The following BRDT variants were observed in gnomAD, a reference collection of about 807,000 sequenced individuals.
BRDT encodes bromodomain testis associated.
BRDT carries 77 observed loss-of-function variants against 113.9 expected under a neutral mutation model. The observed-to-expected ratio is 0.68, with a 90% CI of 0.56 to 0.82. The LOEUF is 0.82. BRDT is among the 40% of genes least tolerant of loss of function. The pLI is 0.00. For missense variants in BRDT, 1,027 were observed against 1,105.4 expected (o/e 0.93, Z 1.01); for synonymous variants, 358 against 366.5 (o/e 0.98, Z 0.26).
intron 12 of BRDT, among the ~76,000 whole-genome samples, chr1:91,984,294 T>C (rs1178700001): frequency 6.6e-6 from 1 of 152,124 alleles, no homozygotes; most frequent in East Asian, 1.9e-4. Context: ...GCTCTTAATT[T>C]CTAGCATGTA....
chr1:91,963,753 A>T (rs1042209438), intron 2 of BRDT, among the ~76,000 whole-genome samples: 61 of 138,606 alleles, frequency 4.4e-4, no homozygotes, highest in Non-Finnish European at 7.1e-4. Flanking sequence ...GGATAATTTT[A>T]TTCTGAAATT....
intron 12 of BRDT, 133 bp from the exon 13 acceptor site, chr1:91,991,051 C>A: frequency 2.2e-6 from 1 of 445,682 alleles, no homozygotes; most frequent in Non-Finnish European, 4.1e-6. Flanking sequence ...CCTGCCTCGG[C>A]CTCCCAAAGT....
At position 91,981,112 on chromosome 1, in the gene BRDT, T is replaced by A. The variant is rs1469375960; in HGVS notation, c.1684T>A (p.Ser562Thr). 1.2e-6 allele frequency: 2 copies of A among 1,613,972 alleles called. No individual in the cohort carries two copies. The highest frequency in any genetic ancestry group is 1.1e-5 in the South Asian group (1 of 91,046). Reference sequence around the variant, plus strand: ...GATAGACTTTGAAACACTGAAAGCATCAACACTAAGAGAATTAGAAAAATA... The same window carrying A: ...GATAGACTTTGAAACACTGAAAGCAACAACACTAAGAGAATTAGAAAAATA... ...IEIDFETLKA[S>T]TLRELEKYVS... is the part of the protein sequence containing the mutation. Residue 562 changes from serine to threonine, a missense_variant, in exon 10 of 19, where the codon TCA becomes ACA. By Grantham distance (58) the Ser-to-Thr change is moderately conservative (BLOSUM62 1). Transcript: ENST00000399546.
rs761056846 is a variant in BRDT at position 91,981,308 on chromosome 1, G to GA, written c.1797dup (p.Gln600ThrfsTer11). ...TGTCCAAAGAAGAACTTCACTCACA[G>GA]AAAAAACAGGAATTGGAAAAGCGGT... is the stretch of plus-strand genomic sequence containing the variant. On this transcript the variant is annotated frameshift_variant, in exon 11 of 19. Transcript: ENST00000399546. LOFTEE classifies it high-confidence loss of function. 10 of 1,614,024 alleles carry GA rather than the reference G, an allele frequency of 6.2e-6. No individual in the cohort carries two copies. Among genetic ancestry groups the GA allele is most frequent in the South Asian group, 4.4e-5 (4 of 91,078 alleles).
intron 18 of BRDT, among the ~76,000 whole-genome samples, chr1:92,010,083 A>G (rs1292376992): frequency 6.6e-6 from 1 of 151,512 alleles, no homozygotes; most frequent in Non-Finnish European, 1.5e-5. Flanking sequence ...GGTTTCAGCA[A>G]TTGTTTTCTT....
intron 1 of BRDT, among the ~76,000 whole-genome samples, chr1:91,961,242 C>T (rs964284445): frequency 2.0e-5 from 3 of 152,114 alleles, no homozygotes; most frequent in Admixed American, 1.3e-4. Context: ...AGCCAGCAGG[C>T]GGAAGTTGCA....
chr1:91,992,428 AAAC>A (rs1294639508), intron 14 of BRDT, 114 bp downstream of exon 14: 29 of 637,830 alleles, frequency 4.5e-5, no homozygotes, highest in African/African-American at 4.5e-4. Flanking sequence ...AAAAAAAAAA[AAAC>A]CACAGCAAGT....
chr1:92,007,222 A>G (rs1470718773), intron 18 of BRDT, among the ~76,000 whole-genome samples: 1 of 149,366 alleles, frequency 6.7e-6, no homozygotes, highest in Non-Finnish European at 1.5e-5. Flanking sequence ...CCGTTTTTGT[A>G]TTAAGCTTTT....
At chr1:92,008,484 A>G (rs879604078) in intron 18 of BRDT, among the ~76,000 whole-genome samples, 2 of 152,098 alleles carry the variant, frequency 1.3e-5, no homozygotes, top group Non-Finnish European at 2.9e-5. Flanking sequence ...CCCACCATCA[A>G]TGTCAATACA....
At chr1:91,960,449 A>G (rs1477269616) in intron 1 of BRDT, among the ~76,000 whole-genome samples, 1 of 152,228 alleles carries the variant, frequency 6.6e-6, no homozygotes, top group Non-Finnish European at 1.5e-5. Context: ...CACAAAAAAG[A>G]TAAATATGAT....
intron 12 of BRDT, among the ~76,000 whole-genome samples, chr1:91,989,293 T>C (rs1969967): frequency 0.7 from 106,299 of 152,032 alleles, 38,572 homozygotes; most frequent in Middle Eastern, 0.8. Context: ...ACATATATGA[T>C]CATATTAATG....
At chr1:91,992,972 C>T (rs1685939264) in intron 14 of BRDT, among the ~76,000 whole-genome samples, 1 of 152,144 alleles carries the variant, frequency 6.6e-6, no homozygotes, top group South Asian at 2.1e-4. Context: ...TGTAGAATGC[C>T]ACCTTTTTAA....
At chr1:91,962,143 TCAAAAAAAAAAAAAAAAAAAAAAAAAAAA>T (rs1227760182) in intron 1 of BRDT, among the ~76,000 whole-genome samples, 1 of 40,580 alleles carries the variant, frequency 2.5e-5, no homozygotes, top group South Asian at 1.3e-3. Flanking sequence ...AGACTCCGTC[TCAAAAAAAAAAAAAAAAAAAAAAAAAAAA>T]AAAAAAAAAA....
At chr1:91,994,667 C>T (rs1424172335) in intron 15 of BRDT, among the ~76,000 whole-genome samples, 1 of 151,488 alleles carries the variant, frequency 6.6e-6, no homozygotes, top group Non-Finnish European at 1.5e-5. Flanking sequence ...GAGATTGAGA[C>T]CATCCCGGCT....
At chr1:91,960,048 AT>A (rs1682264375) in intron 1 of BRDT, among the ~76,000 whole-genome samples, 1 of 152,290 alleles carries the variant, frequency 6.6e-6, no homozygotes, top group South Asian at 2.1e-4. Flanking sequence ...AAAACAAAAA[AT>A]TACTATTGGC....
chr1:92,011,899 A>G (rs547666814), intron 18 of BRDT, among the ~76,000 whole-genome samples: 23 of 152,336 alleles, frequency 1.5e-4, no homozygotes, highest in African/African-American at 4.6e-4. Context: ...ACCTCATGCC[A>G]GTTACCTTGA....
chr1:91,978,058 A>G (rs903221637), intron 6 of BRDT, 110 bp from the exon 7 acceptor site: 4 of 1,065,694 alleles, frequency 3.8e-6, no homozygotes, highest in Admixed American at 5.6e-5. Flanking sequence ...ATGGTGGACA[A>G]CTGTTTTCTG....
At chr1:91,967,572 A>C (rs1388406184) in intron 3 of BRDT, among the ~76,000 whole-genome samples, 1 of 152,032 alleles carries the variant, frequency 6.6e-6, no homozygotes, top group Non-Finnish European at 1.5e-5. Context: ...CTAATTTTGT[A>C]TTTTTAGTAG....
At chr1:91,954,979 T>C (rs1262899551) in intron 1 of BRDT, among the ~76,000 whole-genome samples, 5 of 151,634 alleles carry the variant, frequency 3.3e-5, no homozygotes, top group African/African-American at 1.2e-4. Context: ...AAAAAAACAG[T>C]GGACTTTCAC....
Sources: allele counts gnomAD v4.1 joint callset (sites outside exome capture counted in the v4.1 genomes callset), GRCh38; gene constraint gnomAD v4.1.1; transcripts MANE v1.5; gene names NCBI Gene and HGNC (gene_info 2026-07-23, HGNC 2026-07-21).